The following ZBBX variants were observed in gnomAD, a reference collection of about 807,000 sequenced individuals.
ZBBX encodes zinc finger B-box domain containing.
Under a neutral mutation model 108.5 loss-of-function variants are expected in ZBBX, and 101 were observed. The ratio of observed to expected loss-of-function variants is 0.93; its 90% CI spans 0.79 to 1.10. ZBBX has a LOEUF of 1.10. ZBBX is among the 50% of genes least tolerant of loss of function. ZBBX has a pLI of 0.00. For synonymous variants in ZBBX, 356 were observed against 323.4 expected, an observed-to-expected ratio of 1.10 and a Z score of -1.08; for missense variants, 1,009 against 941.4, an observed-to-expected ratio of 1.07 and a Z score of -0.94.
intron 1 of ZBBX, among the ~76,000 whole-genome samples, chr3:167,402,439 G>T (rs147218252): frequency 2.8e-4 from 43 of 152,132 alleles, no homozygotes; most frequent in African/African-American, 9.9e-4. Flanking sequence ...TCCCACTTTA[G>T]CCAACAGATG....
intron 20 of ZBBX, among the ~76,000 whole-genome samples, chr3:167,260,858 C>A (rs1397769932): frequency 2.0e-5 from 3 of 152,158 alleles, no homozygotes; most frequent in Non-Finnish European, 2.9e-5. Context: ...TGGCTTGGAT[C>A]AATTGCTGGT....
intron 2 of ZBBX, among the ~76,000 whole-genome samples, chr3:167,374,091 G>C (rs372329438): frequency 2.1e-4 from 32 of 152,156 alleles, no homozygotes; most frequent in African/African-American, 7.5e-4. Flanking sequence ...GCCGTGCAGA[G>C]AGAAACGAAA....
At chr3:167,401,033 A>C (rs1179709775) in intron 1 of ZBBX, among the ~76,000 whole-genome samples, 1 of 152,186 alleles carries the variant, frequency 6.6e-6, no homozygotes, top group East Asian at 1.9e-4. Context: ...TTCATTTCAC[A>C]ACACAATCTA....
At chr3:167,227,219 C>T in the ZBBX span, among the ~76,000 whole-genome samples, 1 of 151,660 alleles carries the variant, frequency 6.6e-6, no homozygotes, top group South Asian at 2.1e-4. Flanking sequence ...AATGTAGGTG[C>T]TAAATAAGCA....
chr3:167,198,316 T>C, the ZBBX span, among the ~76,000 whole-genome samples: 2 of 152,234 alleles, frequency 1.3e-5, no homozygotes, highest in East Asian at 1.9e-4. Flanking sequence ...ATAAGGGCTT[T>C]ATTAAACTTA....
chr3:167,328,133 A>G lies in ZBBX; in HGVS notation c.688-17T>C, dbSNP rs1299311169. 6.3e-7 allele frequency: 1 copy of G among 1,589,820 alleles called. No individual in the cohort carries two copies. The highest frequency in any genetic ancestry group is 1.2e-5 in the South Asian group (1 of 86,376). ...AATTTCTACCTAATTAAAAGGATAC[A>G]TAGGCATGCTTTATTAAATTTTCTG... is the stretch of plus-strand genomic sequence containing the variant. On this transcript the variant is annotated splice_polypyrimidine_tract_variant and intron_variant, in intron 10 of 21. Transcript: ENST00000675490.
intron 1 of ZBBX, among the ~76,000 whole-genome samples, chr3:167,400,280 A>G (rs1424463549): frequency 6.6e-6 from 1 of 152,154 alleles, no homozygotes; most frequent in Non-Finnish European, 1.5e-5. Flanking sequence ...GAAATCTCCA[A>G]ACTGCTTTCT....
At chr3:167,223,985 T>C in the ZBBX span, among the ~76,000 whole-genome samples, 1 of 151,970 alleles carries the variant, frequency 6.6e-6, no homozygotes, top group Non-Finnish European at 1.5e-5. Flanking sequence ...TTTTAATGCC[T>C]GAAGCACTTT....
At position 167,282,327 on chromosome 3, in the gene ZBBX, T is replaced by A; in HGVS notation, c.2165A>T (p.Asp722Val). Residue 722 changes from aspartate (D) to valine (V), a missense_variant, in exon 20 of 22, where the codon GAC becomes GTC. Transcript: ENST00000675490. ...GTCATCTAAGGAAAGCTCATTCTGG[T>A]CAGTAATATCAATATATTCAATTTC... Reference protein sequence around the residue: ...ISEIEYIDITDQNELSLDDTT... With the variant: ...ISEIEYIDITVQNELSLDDTT... The A allele has an allele frequency of 6.2e-7, 1 of 1,614,034 alleles. No homozygotes were observed. Among genetic ancestry groups the A allele is most frequent in the Non-Finnish European group, 8.5e-7 (1 of 1,179,948 alleles).
intron 20 of ZBBX, among the ~76,000 whole-genome samples, chr3:167,278,318 T>C (rs1314864280): frequency 6.6e-6 from 1 of 150,852 alleles, no homozygotes; most frequent in African/African-American, 2.4e-5. Context: ...GGAGCTGGTT[T>C]TTTGGAAGGA....
chr3:167,390,927 G>T (rs1165496376), intron 1 of ZBBX, among the ~76,000 whole-genome samples: 1 of 152,114 alleles, frequency 6.6e-6, no homozygotes, highest in Non-Finnish European at 1.5e-5. Context: ...TATGTCATCT[G>T]CAAATGAAGA....
chr3:167,384,230 T>C (rs949223895), upstream of ZBBX, among the ~76,000 whole-genome samples: 3 of 152,072 alleles, frequency 2.0e-5, no homozygotes, highest in African/African-American at 7.2e-5. Context: ...ATGGTTATAT[T>C]AGTCCAAGAT....
the ZBBX span, among the ~76,000 whole-genome samples, chr3:167,214,652 C>T: frequency 6.6e-6 from 1 of 152,128 alleles, no homozygotes; most frequent in Admixed American, 6.6e-5. Context: ...TGATTGACCT[C>T]TGCAGAACTC....
the ZBBX span, among the ~76,000 whole-genome samples, chr3:167,217,582 T>TAC: frequency 3.9e-5 from 6 of 152,174 alleles, no homozygotes; most frequent in African/African-American, 1.2e-4. Context: ...AAAGCAGAAC[T>TAC]ACCATTCAAC....
rs1390064178 is a variant in ZBBX at position 167,333,826 on chromosome 3, C to T, written c.687+1G>A. ...TGTCTACTATATTTTCCTCAGTTTA[C>T]CTCAGAGCTGCTCCTCTGGAGAAGT... On this transcript the variant is annotated splice_donor_variant, in intron 10 of 21. Coordinates refer to ENST00000675490, the MANE Select transcript of ZBBX (RefSeq NM_001199201.2). LOFTEE classifies it high-confidence loss of function. The T allele has an allele frequency of 7.5e-6, 12 of 1,599,606 alleles. No homozygotes were observed. Among genetic ancestry groups the T allele is most frequent in the Non-Finnish European group, 1.0e-5 (12 of 1,175,106 alleles).
At chr3:167,376,971 C>G (rs1243370420) in intron 2 of ZBBX, among the ~76,000 whole-genome samples, 1 of 152,182 alleles carries the variant, frequency 6.6e-6, no homozygotes, top group Non-Finnish European at 1.5e-5. Flanking sequence ...CAGAGGAATA[C>G]AGATAAACTC....
chr3:167,256,359 A>C (rs1468520089), intron 20 of ZBBX, among the ~76,000 whole-genome samples: 1 of 152,154 alleles, frequency 6.6e-6, no homozygotes, highest in Non-Finnish European at 1.5e-5. Flanking sequence ...TTTATGGGGT[A>C]CATGAAATGT....
chr3:167,223,837 T>C, the ZBBX span, among the ~76,000 whole-genome samples: 1 of 151,972 alleles, frequency 6.6e-6, no homozygotes. Flanking sequence ...AGATTCAATT[T>C]TTATGTCCTT....
intron 21 of ZBBX, 149 bp from the exon 22 acceptor site, chr3:167,241,068 G>T: frequency 1.3e-6 from 1 of 750,590 alleles, no homozygotes; most frequent in South Asian, 2.4e-5. Context: ...AATTTTCAAT[G>T]TGCCCAATAT....
Sources: allele counts gnomAD v4.1 joint callset (sites outside exome capture counted in the v4.1 genomes callset), GRCh38; gene constraint gnomAD v4.1.1; transcripts MANE v1.5; gene names NCBI Gene and HGNC (gene_info 2026-07-23, HGNC 2026-07-21).